SCAPER: variants seen among roughly 807,000 people sequenced by gnomAD.
SCAPER encodes S phase cyclin A-associated protein in the endoplasmic reticulum.
A neutral mutation model predicts 182.2 loss-of-function variants in SCAPER; 98 were observed. The observed-to-expected ratio is 0.54, with a 90% confidence interval of 0.46 to 0.64. The LOEUF (loss-of-function observed/expected upper bound fraction) is 0.64, where lower values mean the gene tolerates loss of function less well. SCAPER is among the 30% of genes least tolerant of loss of function. The pLI is 0.00. For missense variants in SCAPER, 1,432 were observed against 1,690.0 expected, an observed-to-expected ratio of 0.85 and a Z score of 2.68; for synonymous variants, 605 against 564.6, an observed-to-expected ratio of 1.07 and a Z score of -1.01.
At chr15:76,701,178 C>A (rs532622445) in intron 20 of SCAPER, among the ~76,000 whole-genome samples, 1 of 151,290 alleles carries the variant, frequency 6.6e-6, no homozygotes, top group South Asian at 2.1e-4. Flanking sequence ...TTTTCCTGGA[C>A]AGCTTGAGTT....
chr15:76,501,756 G>A (rs748855800), intron 24 of SCAPER, among the ~76,000 whole-genome samples: 6 of 152,356 alleles, frequency 3.9e-5, no homozygotes, highest in Middle Eastern at 3.4e-3. Flanking sequence ...GTGGGAACCC[G>A]CTAGGGATGG....
intron 21 of SCAPER, among the ~76,000 whole-genome samples, chr15:76,640,727 C>A (rs944930835): frequency 6.6e-6 from 1 of 152,118 alleles, no homozygotes; most frequent in South Asian, 2.1e-4. Context: ...TGTAGGGAGA[C>A]CCCCTGAAAC....
chr15:76,779,475 C>T (rs1180449838), intron 8 of SCAPER, among the ~76,000 whole-genome samples: 1 of 152,080 alleles, frequency 6.6e-6, no homozygotes, highest in East Asian at 1.9e-4. Context: ...ACCAAAACCA[C>T]TAGCTACTAA....
intron 24 of SCAPER, among the ~76,000 whole-genome samples, chr15:76,502,190 G>A (rs974940609): frequency 1.3e-5 from 2 of 152,150 alleles, no homozygotes; most frequent in Non-Finnish European, 2.9e-5. Context: ...AAACATACAT[G>A]TGTATGTGTC....
At chr15:76,692,111 C>T (rs1160199902) in intron 20 of SCAPER, among the ~76,000 whole-genome samples, 2 of 152,042 alleles carry the variant, frequency 1.3e-5, no homozygotes, top group African/African-American at 2.4e-5. Flanking sequence ...AATAACATAG[C>T]CTCAAAATAA....
intron 26 of SCAPER, among the ~76,000 whole-genome samples, chr15:76,420,967 T>C (rs2045992445): frequency 6.6e-6 from 1 of 152,262 alleles, no homozygotes; most frequent in Admixed American, 6.5e-5. Flanking sequence ...TTTTTATGGC[T>C]GCATAATATT....
intron 20 of SCAPER, among the ~76,000 whole-genome samples, chr15:76,692,203 T>C (rs2058399056): frequency 6.6e-6 from 1 of 152,236 alleles, no homozygotes; most frequent in Non-Finnish European, 1.5e-5. Context: ...CTTAAGAGAA[T>C]GTGTTTTTTC....
chr15:76,387,439 T>C (rs1596384004), intron 27 of SCAPER, among the ~76,000 whole-genome samples: 1 of 152,324 alleles, frequency 6.6e-6, no homozygotes, highest in South Asian at 2.1e-4. Flanking sequence ...TCAATACATA[T>C]GTGTTGAATG....
chr15:76,553,012 G>A (rs2045908172), intron 23 of SCAPER, among the ~76,000 whole-genome samples: 2 of 152,044 alleles, frequency 1.3e-5, no homozygotes, highest in South Asian at 4.1e-4. Context: ...CAGCAGATAG[G>A]TCCCCAGTCC....
intron 21 of SCAPER, among the ~76,000 whole-genome samples, chr15:76,641,670 T>C (rs1287023849): frequency 1.3e-5 from 2 of 152,186 alleles, no homozygotes; most frequent in Non-Finnish European, 2.9e-5. Flanking sequence ...CTTGGCTAAT[T>C]GCTCACCCAG....
chr15:76,842,001 G>T, intron 4 of SCAPER, 70 bp from the exon 5 acceptor site: 1 of 1,365,476 alleles, frequency 7.3e-7, no homozygotes, highest in Non-Finnish European at 1.0e-6. Context: ...TTTTTATAAA[G>T]ATTCAATCAA....
intron 24 of SCAPER, among the ~76,000 whole-genome samples, chr15:76,476,014 T>C (rs1596871410): frequency 6.6e-6 from 1 of 152,166 alleles, no homozygotes; most frequent in African/African-American, 2.4e-5. Context: ...AATCCGAGCA[T>C]GGAAAGCCTT....
At chr15:76,571,849 A>C (rs553698717) in intron 23 of SCAPER, among the ~76,000 whole-genome samples, 1 of 152,300 alleles carries the variant, frequency 6.6e-6, no homozygotes, top group South Asian at 2.1e-4. Flanking sequence ...TGAAATCATA[A>C]ATATCATCAG....
intron 20 of SCAPER, among the ~76,000 whole-genome samples, chr15:76,684,489 T>C (rs1025920753): frequency 6.6e-6 from 1 of 151,810 alleles, no homozygotes; most frequent in Non-Finnish European, 1.5e-5. Context: ...CCCATAGTAA[T>C]TGAAAATTTA....
Position 76,603,082 on chromosome 15 carries a change from C to T in SCAPER, c.2711+18682G>A, listed in dbSNP as rs185634082. On this transcript the variant is annotated intron_variant, in intron 22 of 31. Transcript: ENST00000563290. ...TAAGTTTTAGGGTACATGTGCACAA[C>T]GTGCAGGTTAGTTACATATGTATAC... 3.3e-3 allele frequency among the ~76,000 whole-genome samples: 378 copies of T among 113,936 alleles called. 50 individuals carry two copies. Among genetic ancestry groups the T allele is most frequent in the African/African-American group, 8.9e-3 (338 of 38,146 alleles). The allele number at this position is 113,936 out of a possible 152,430, so 74.7% of individuals were successfully genotyped here. A position where few individuals can be genotyped will look rare whatever the true frequency, so the allele number is the denominator to read the frequency against.
intron 22 of SCAPER, among the ~76,000 whole-genome samples, chr15:76,615,180 AAAG>A (rs951378451): frequency 2.0e-5 from 3 of 152,148 alleles, no homozygotes; most frequent in Admixed American, 6.5e-5. Flanking sequence ...CCAAGCATTT[AAAG>A]AAGATGTAAT....
intron 5 of SCAPER, among the ~76,000 whole-genome samples, chr15:76,834,514 C>G (rs1239474585): frequency 6.6e-6 from 1 of 152,042 alleles, no homozygotes; most frequent in Admixed American, 6.6e-5. Context: ...CCGAGCTGAA[C>G]TGAACACTGA....
At chr15:76,756,830 AAAAG>A (rs1243636798) in intron 14 of SCAPER, among the ~76,000 whole-genome samples, 3 of 152,204 alleles carry the variant, frequency 2.0e-5, no homozygotes, top group Non-Finnish European at 4.4e-5. Context: ...ATTTTTCAGA[AAAAG>A]AAACTGAAAT....
intron 17 of SCAPER, among the ~76,000 whole-genome samples, chr15:76,725,015 CG>C (rs1713046338): frequency 6.6e-6 from 1 of 152,030 alleles, no homozygotes; most frequent in Admixed American, 6.6e-5. Context: ...CCATCTTCTG[CG>C]TTGCTCACAC....
Sources: gnomAD v4.1 joint callset for allele counts (sites outside exome capture counted in the v4.1 genomes callset) on GRCh38, gnomAD v4.1.1 for gene constraint, MANE v1.5 for transcripts, NCBI Gene and HGNC (gene_info 2026-07-23, HGNC 2026-07-21) for gene names.